DLG2: variants seen among roughly 807,000 people sequenced by gnomAD.
DLG2 encodes the protein discs large MAGUK scaffold protein 2, also known as disks large homolog 2.
Under a neutral mutation model 132.5 loss-of-function variants are expected in DLG2, and 45 were observed. The observed-to-expected ratio is 0.34, with a 90% CI of 0.27 to 0.44. The LOEUF (loss-of-function observed/expected upper bound fraction) is 0.44, where lower values mean the gene tolerates loss of function less well. Among genes scored for constraint, DLG2 ranks in the 20% least tolerant of loss-of-function variants. The pLI is 1.00. For synonymous variants in DLG2, 424 were observed against 419.6 expected (o/e 1.01, Z -0.13); for missense variants, 1,045 against 1,196.9 (o/e 0.87, Z 1.87).
chr11:85,354,791 T>G (rs2083565432), intron 3 of DLG2, among the ~76,000 whole-genome samples: 1 of 151,756 alleles, frequency 6.6e-6, no homozygotes, highest in South Asian at 2.1e-4. Context: ...TTACCCATTC[T>G]TATGAATATT....
intron 6 of DLG2, among the ~76,000 whole-genome samples, chr11:84,601,492 C>T (rs1001698661): frequency 6.6e-6 from 1 of 151,864 alleles, no homozygotes; most frequent in African/African-American, 2.4e-5. Context: ...ACAAGACAGG[C>T]AATTTTGCAT....
chr11:85,585,184 T>C (rs1048256786), intron 3 of DLG2, among the ~76,000 whole-genome samples: 6 of 152,178 alleles, frequency 3.9e-5, no homozygotes, highest in African/African-American at 1.4e-4. Context: ...TTATATACGA[T>C]GAGAGATGAG....
intron 7 of DLG2, among the ~76,000 whole-genome samples, chr11:84,494,417 T>C (rs1393109305): frequency 6.6e-6 from 1 of 152,104 alleles, no homozygotes; most frequent in African/African-American, 2.4e-5. Context: ...AATCTAAGAC[T>C]TTCTTCCCCT....
At chr11:84,542,226 C>T (rs1229795159) in intron 6 of DLG2, among the ~76,000 whole-genome samples, 1 of 152,062 alleles carries the variant, frequency 6.6e-6, no homozygotes, top group African/African-American at 2.4e-5. Context: ...GAATAGGTGG[C>T]ATATTATCAT....
chr11:84,485,205 A>G (rs1249287718), intron 7 of DLG2, among the ~76,000 whole-genome samples: 1 of 152,140 alleles, frequency 6.6e-6, no homozygotes, highest in Non-Finnish European at 1.5e-5. Flanking sequence ...TTTGGTAAAA[A>G]TGTCCCTATT....
intron 6 of DLG2, among the ~76,000 whole-genome samples, chr11:84,548,596 A>G (rs1470217513): frequency 6.6e-6 from 1 of 152,180 alleles, no homozygotes; most frequent in Non-Finnish European, 1.5e-5. Flanking sequence ...CCATGTCCCT[A>G]CAAAGGACAT....
intron 6 of DLG2, among the ~76,000 whole-genome samples, chr11:84,583,408 C>A (rs990226287): frequency 2.6e-5 from 4 of 152,168 alleles, no homozygotes; most frequent in Non-Finnish European, 4.4e-5. Flanking sequence ...AAACTCAAGT[C>A]CACTTTCAGG....
At chr11:84,254,143 C>G (rs1054667430) in intron 7 of DLG2, among the ~76,000 whole-genome samples, 9 of 152,110 alleles carry the variant, frequency 5.9e-5, no homozygotes, top group Non-Finnish European at 8.8e-5. Flanking sequence ...CTGAATATCA[C>G]ATGTAATTCT....
At chr11:84,303,464 A>G (rs1286909859) in intron 7 of DLG2, among the ~76,000 whole-genome samples, 1 of 152,228 alleles carries the variant, frequency 6.6e-6, no homozygotes, top group Non-Finnish European at 1.5e-5. Flanking sequence ...TGATGAAGAA[A>G]AAGGTCATGT....
At chr11:85,051,340 C>T (rs564828796) in intron 6 of DLG2, among the ~76,000 whole-genome samples, 19 of 152,200 alleles carry the variant, frequency 1.2e-4, no homozygotes, top group African/African-American at 4.6e-4. Context: ...CCAAAATTTG[C>T]TTGATTACTT....
rs7928460 is a variant in DLG2 at position 84,989,036 on chromosome 11, G to C, written c.357+122625C>G. On this transcript the variant is annotated intron_variant, in intron 6 of 27. Coordinates refer to ENST00000376104, the MANE Select transcript of DLG2 (RefSeq NM_001142699.3). ...TACAAGATAAACATAAAAAAAATTAGAACTCCACATATTAGCAATGAACAT... is the reference window on the plus strand; with the variant it reads ...TACAAGATAAACATAAAAAAAATTACAACTCCACATATTAGCAATGAACAT... 8.6e-3 allele frequency among the ~76,000 whole-genome samples: 1,300 copies of C among 151,902 alleles called. 19 individuals carry two copies. Among genetic ancestry groups the C allele is most frequent in the African/African-American group, 0.03 (1,244 of 41,410 alleles).
chr11:84,176,045 A>G (rs1480049351), intron 8 of DLG2, among the ~76,000 whole-genome samples: 1 of 151,976 alleles, frequency 6.6e-6, no homozygotes, highest in Non-Finnish European at 1.5e-5. Context: ...TTTCACATAC[A>G]TTATTGCATT....
At chr11:85,616,505 C>A (rs192276387) in intron 2 of DLG2, among the ~76,000 whole-genome samples, 232 of 152,286 alleles carry the variant, frequency 1.5e-3, no homozygotes, top group Non-Finnish European at 2.8e-3. Context: ...CCAGCGACAA[C>A]TGGTTCCCTA....
intron 3 of DLG2, among the ~76,000 whole-genome samples, chr11:85,299,984 T>C (rs1436072776): frequency 6.6e-6 from 1 of 152,228 alleles, no homozygotes; most frequent in Non-Finnish European, 1.5e-5. Context: ...GAATGCCTCA[T>C]ATTATATGGT....
chr11:84,903,387 C>A (rs2091131116), intron 6 of DLG2, among the ~76,000 whole-genome samples: 1 of 152,030 alleles, frequency 6.6e-6, no homozygotes, highest in East Asian at 1.9e-4. Flanking sequence ...GAAAATTTCC[C>A]CAACACCCCT....
chr11:84,379,243 G>A (rs2098740975), intron 7 of DLG2, among the ~76,000 whole-genome samples: 1 of 151,994 alleles, frequency 6.6e-6, no homozygotes, highest in African/African-American at 2.4e-5. Flanking sequence ...CAAAGTGTAG[G>A]ATAAATAATA....
intron 3 of DLG2, among the ~76,000 whole-genome samples, chr11:85,383,675 C>T (rs1216604775): frequency 6.6e-6 from 1 of 152,166 alleles, no homozygotes; most frequent in Non-Finnish European, 1.5e-5. Context: ...AAATAAAATA[C>T]AGCCTTTAAA....
intron 7 of DLG2, among the ~76,000 whole-genome samples, chr11:84,432,760 C>T (rs2098988508): frequency 6.6e-6 from 1 of 152,122 alleles, no homozygotes; most frequent in Non-Finnish European, 1.5e-5. Flanking sequence ...GGCATGGGGG[C>T]TCACACCTAT....
chr11:84,069,630 T>A (rs1292788563), intron 10 of DLG2, among the ~76,000 whole-genome samples: 1 of 152,246 alleles, frequency 6.6e-6, no homozygotes, highest in Non-Finnish European at 1.5e-5. Flanking sequence ...CTACAGTGAA[T>A]GTACTGTTTT....
Sources: gnomAD v4.1 joint callset for allele counts (sites outside exome capture counted in the v4.1 genomes callset) on GRCh38, gnomAD v4.1.1 for gene constraint, MANE v1.5 for transcripts, NCBI Gene and HGNC (gene_info 2026-07-23, HGNC 2026-07-21) for gene names.